The following EFCAB7 variants were observed in gnomAD, a reference collection of about 807,000 sequenced individuals.
The protein encoded by EFCAB7 is EF-hand calcium-binding domain-containing protein 7.
EFCAB7 carries 66 observed loss-of-function variants against 77.1 expected under a neutral mutation model. The observed-to-expected ratio is 0.86, with a 90% CI of 0.70 to 1.05. The LOEUF (loss-of-function observed/expected upper bound fraction) is 1.05. Ranked by LOEUF, EFCAB7 falls within the 50% of genes least tolerant of loss-of-function variation. The pLI, the probability that EFCAB7 is intolerant of heterozygous loss-of-function variation, is 0.00. For missense variants in EFCAB7, 638 were observed against 730.5 expected, an observed-to-expected ratio of 0.87 and a Z score of 1.46; for synonymous variants, 225 against 243.3, an observed-to-expected ratio of 0.92 and a Z score of 0.70.
chr1:63,561,817 T>A lies in EFCAB7; in HGVS notation c.1457T>A (p.Leu486Gln). ...GATCCTTGTGACCTTTGGGTAACTC[T>A]ACACTCTATGGGCTACAATAAAGCT... ...EGDPCDLWVT[L>Q]HSMGYNKALE... The change falls in exon 11 of 14, where the codon CTA becomes CAA. Residue 486 changes from leucine to glutamine, a missense_variant. By Grantham distance (113) the Leu-to-Gln change is moderately radical. Transcript: ENST00000371088. 2 of 1,606,748 alleles carry A rather than the reference T, an allele frequency of 1.2e-6. No homozygotes were observed. Among genetic ancestry groups the A allele is most frequent in the Non-Finnish European group, 1.7e-6 (2 of 1,175,718 alleles).
At chr1:63,581,748 C>T in the EFCAB7 span, among the ~76,000 whole-genome samples, 1 of 151,702 alleles carries the variant, frequency 6.6e-6, no homozygotes, top group African/African-American at 2.4e-5. Flanking sequence ...CACTGCATAG[C>T]CTAGAAATAA....
At chr1:63,532,377 T>G (rs1226681083) in intron 3 of EFCAB7, among the ~76,000 whole-genome samples, 1 of 152,052 alleles carries the variant, frequency 6.6e-6, no homozygotes, top group Non-Finnish European at 1.5e-5. Flanking sequence ...TGATACAATG[T>G]TAGAAAATAT....
chr1:63,537,887 T>G (rs1239465848), intron 6 of EFCAB7, among the ~76,000 whole-genome samples: 1 of 152,190 alleles, frequency 6.6e-6, no homozygotes, highest in Non-Finnish European at 1.5e-5. Context: ...TCTTTCTCAC[T>G]GAAAATTTTA....
chr1:63,556,112 T>TG (rs1395109234), intron 9 of EFCAB7, among the ~76,000 whole-genome samples: 10 of 151,726 alleles, frequency 6.6e-5, no homozygotes, highest in South Asian at 2.1e-4. Flanking sequence ...CTGGAAGTAG[T>TG]GGGGGGGTTG....
At chr1:63,543,272 C>G (rs1646851236) in intron 6 of EFCAB7, among the ~76,000 whole-genome samples, 1 of 152,158 alleles carries the variant, frequency 6.6e-6, no homozygotes, top group Non-Finnish European at 1.5e-5. Context: ...TATTTATGGG[C>G]TATCCATTCT....
At chr1:63,533,311 C>CA in intron 4 of EFCAB7, 143 bp from the exon 5 acceptor site, 1 of 613,856 alleles carries the variant, frequency 1.6e-6, no homozygotes, top group South Asian at 2.5e-5. Context: ...CAATCTGATT[C>CA]AAAAAAATAA....
intron 6 of EFCAB7, among the ~76,000 whole-genome samples, chr1:63,545,110 G>C (rs1280016778): frequency 6.7e-6 from 1 of 149,690 alleles, no homozygotes; most frequent in Non-Finnish European, 1.5e-5. Flanking sequence ...GTAGAGACAG[G>C]GTTTCACCAT....
At chr1:63,540,209 A>G (rs529773468) in intron 6 of EFCAB7, among the ~76,000 whole-genome samples, 1 of 151,746 alleles carries the variant, frequency 6.6e-6, no homozygotes, top group Admixed American at 6.6e-5. Flanking sequence ...CTAAAAATAC[A>G]AAAAATTAGC....
chr1:63,569,921 AC>A (rs1557691153), intron 12 of EFCAB7: 1 of 152,056 alleles, frequency 6.6e-6, no homozygotes, highest in Non-Finnish European at 1.5e-5. Context: ...CGTTACCCCA[AC>A]CCCTCTGTTC....
At chr1:63,573,999 A>G (rs1647340890), downstream of EFCAB7, among the ~76,000 whole-genome samples, 1 of 152,158 alleles carries the variant, frequency 6.6e-6, no homozygotes, top group Non-Finnish European at 1.5e-5. Flanking sequence ...ATTATGTCTG[A>G]CAGAAGCGAA....
intron 1 of EFCAB7, among the ~76,000 whole-genome samples, chr1:63,524,825 C>T (rs755242904): frequency 3.3e-5 from 5 of 152,102 alleles, no homozygotes; most frequent in Non-Finnish European, 5.9e-5. Context: ...AATACCTGAC[C>T]GCTGTAATAG....
intron 11 of EFCAB7, among the ~76,000 whole-genome samples, chr1:63,562,635 G>T (rs1475528512): frequency 2.0e-5 from 3 of 149,080 alleles, no homozygotes; most frequent in Non-Finnish European, 1.5e-5. Context: ...GAGTAGCTAG[G>T]ACTACAGGTG....
At chr1:63,529,212 A>G (rs1471152033) in intron 2 of EFCAB7, 1 of 152,202 alleles carries the variant, frequency 6.6e-6, no homozygotes, top group Non-Finnish European at 1.5e-5. Flanking sequence ...CATTTATATT[A>G]TCTCCAATGC....
rs1646736423 is a variant in EFCAB7, at chr1:63,534,231, G to C, written c.804+15G>C. 1 of 1,604,476 alleles carries C rather than the reference G, an allele frequency of 6.2e-7. No homozygotes were observed. Among genetic ancestry groups the C allele is most frequent in the Non-Finnish European group, 8.5e-7 (1 of 1,174,946 alleles). On this transcript the variant is annotated intron_variant, in intron 6 of 13. Coordinates refer to ENST00000371088, the MANE Select transcript of EFCAB7 (RefSeq NM_032437.4). ...ATTTAATAAAGGTATAGTATTTTAA[G>C]TTAACAGATGACTTTTTCTGAAAAA...
chr1:63,578,386 T>C, the EFCAB7 span, among the ~76,000 whole-genome samples: 91,812 of 151,388 alleles, frequency 0.61, 29,536 homozygotes, highest in African/African-American at 0.82. Flanking sequence ...CCTCATTATA[T>C]ATAGTCTGTC....
At chr1:63,584,322 A>T in the EFCAB7 span, among the ~76,000 whole-genome samples, 1 of 152,276 alleles carries the variant, frequency 6.6e-6, no homozygotes, top group African/African-American at 2.4e-5. Flanking sequence ...TGGGAGGCTG[A>T]GGTGGAAGGA....
the EFCAB7 span, among the ~76,000 whole-genome samples, chr1:63,579,721 G>A: frequency 9.9e-5 from 15 of 152,160 alleles, 1 homozygote; most frequent in African/African-American, 3.4e-4. Flanking sequence ...TATTGTCTGC[G>A]TTTTTTATTT....
the EFCAB7 span, among the ~76,000 whole-genome samples, chr1:63,582,719 C>T: frequency 6.6e-6 from 1 of 152,162 alleles, no homozygotes; most frequent in African/African-American, 2.4e-5. Context: ...GCAATTCTGC[C>T]TCAGCCTCTC....
intron 7 of EFCAB7, chr1:63,548,892 C>G (rs528632640): frequency 6.5e-6 from 1 of 153,736 alleles, no homozygotes; most frequent in Admixed American, 6.5e-5. Context: ...AGTTAGGTTA[C>G]TGTATTGAAA....
Sources: allele counts gnomAD v4.1 joint callset (sites outside exome capture counted in the v4.1 genomes callset), GRCh38; gene constraint gnomAD v4.1.1; transcripts MANE v1.5; gene names NCBI Gene and HGNC (gene_info 2026-07-23, HGNC 2026-07-21).